ANO2: variants seen among roughly 807,000 people sequenced by gnomAD.
ANO2 encodes the protein anoctamin-2.
A neutral mutation model predicts 124.2 loss-of-function variants in ANO2; 101 were observed. That is an observed-to-expected ratio of 0.81 (90% CI 0.69 to 0.96). ANO2 has a LOEUF of 0.96. Among genes scored for constraint, ANO2 ranks in the 40% least tolerant of loss-of-function variants. ANO2 has a pLI of 0.00. For missense variants in ANO2, 1,293 were observed against 1,274.5 expected, an observed-to-expected ratio of 1.01 and a Z score of -0.22; for synonymous variants, 486 against 482.5, an observed-to-expected ratio of 1.01 and a Z score of -0.09.
chr12:5,879,458 C>G (rs1042745356), intron 3 of ANO2, among the ~76,000 whole-genome samples: 4 of 152,168 alleles, frequency 2.6e-5, no homozygotes, highest in Admixed American at 2.0e-4. Context: ...CTCTCTCTCT[C>G]GATACAAGAC....
At chr12:5,661,097 T>C (rs1947418066) in intron 14 of ANO2, among the ~76,000 whole-genome samples, 2 of 152,206 alleles carry the variant, frequency 1.3e-5, no homozygotes, top group Admixed American at 6.5e-5. Context: ...AGCTATGATC[T>C]GATCTACCCT....
chr12:5,757,485 A>G (rs1025443136), intron 10 of ANO2, among the ~76,000 whole-genome samples: 2 of 152,212 alleles, frequency 1.3e-5, no homozygotes, highest in African/African-American at 4.8e-5. Context: ...TTAATTTCCC[A>G]AAAGCCTGTG....
chr12:5,878,379 C>A (rs898698796), intron 3 of ANO2, among the ~76,000 whole-genome samples: 1 of 152,182 alleles, frequency 6.6e-6, no homozygotes, highest in African/African-American at 2.4e-5. Flanking sequence ...CACTTAAGTG[C>A]TTTTCCATAA....
chr12:5,840,459 C>G (rs113919987), intron 4 of ANO2, among the ~76,000 whole-genome samples: 1 of 151,996 alleles, frequency 6.6e-6, no homozygotes, highest in Admixed American at 6.6e-5. Flanking sequence ...GGGAATGAAG[C>G]TGCATATATT....
intron 9 of ANO2, among the ~76,000 whole-genome samples, chr12:5,800,091 G>A (rs1952993315): frequency 1.3e-5 from 2 of 152,230 alleles, no homozygotes; most frequent in South Asian, 4.1e-4. Flanking sequence ...GTTGTAGACA[G>A]GATGGCCAGG....
chr12:5,824,539 T>C (rs550958540), intron 7 of ANO2, among the ~76,000 whole-genome samples: 1 of 152,318 alleles, frequency 6.6e-6, no homozygotes, highest in South Asian at 2.1e-4. Flanking sequence ...CTGGACCTTA[T>C]TGTCCATATT....
intron 10 of ANO2, among the ~76,000 whole-genome samples, chr12:5,777,940 C>A (rs1277150311): frequency 6.6e-6 from 1 of 152,248 alleles, no homozygotes; most frequent in South Asian, 2.1e-4. Context: ...GACTCCACCT[C>A]TGTCCTCAGA....
At chr12:5,741,639 C>A (rs560690660) in intron 12 of ANO2, among the ~76,000 whole-genome samples, 1 of 152,278 alleles carries the variant, frequency 6.6e-6, no homozygotes, top group South Asian at 2.1e-4. Context: ...GTCGTGAGGG[C>A]AAGGGAGGAC....
chr12:5,945,587 T>A (rs1943070572), upstream of ANO2, among the ~76,000 whole-genome samples: 1 of 152,216 alleles, frequency 6.6e-6, no homozygotes, highest in Non-Finnish European at 1.5e-5. Context: ...TTCAGTCGGA[T>A]TATCTCATGA....
intron 3 of ANO2, among the ~76,000 whole-genome samples, chr12:5,913,144 C>T (rs967394943): frequency 9.9e-5 from 15 of 152,142 alleles, no homozygotes; most frequent in Admixed American, 3.3e-4. Context: ...CTCCAGGGGA[C>T]GCTGTCACCC....
chr12:5,660,275 A>G (rs1224867827), intron 14 of ANO2, among the ~76,000 whole-genome samples: 5 of 151,836 alleles, frequency 3.3e-5, no homozygotes, highest in African/African-American at 1.2e-4. Flanking sequence ...ATCTTAAGCC[A>G]AATGACTATG....
intron 3 of ANO2, among the ~76,000 whole-genome samples, chr12:5,905,536 CTG>C (rs1184149356): frequency 6.6e-6 from 1 of 152,154 alleles, no homozygotes; most frequent in Non-Finnish European, 1.5e-5. Context: ...CCTGGCAACA[CTG>C]AATAGGAAGT....
chr12:5,831,918 G>A lies in ANO2; in HGVS notation c.785+534C>T, dbSNP rs577595233. Among the ~76,000 whole-genome samples, 414 of 151,606 alleles carry A rather than the reference G, an allele frequency of 2.7e-3. 4 individuals are homozygous for A. The highest frequency in any genetic ancestry group is 9.8e-3 in the African/African-American group (400 of 40,972). On this transcript the variant is annotated intron_variant, in intron 5 of 24. Coordinates refer to ENST00000682330, the MANE Select transcript of ANO2 (RefSeq NM_001364791.2). ...CCAGCTGTGGCTCCCCCTTCCAAACGTTTCCAAGTGGCTATCTCTGTGAAG... is the reference window on the plus strand; with the variant it reads ...CCAGCTGTGGCTCCCCCTTCCAAACATTTCCAAGTGGCTATCTCTGTGAAG...
Position 5,563,122 on chromosome 12 carries a change from TCTTC to T in ANO2, c.*173_*176del, listed in dbSNP as rs1381542859. On this transcript the variant is annotated 3_prime_UTR_variant, in exon 25 of 25. Transcript: ENST00000682330. ...AGTTTCTGAGATGTAGCATCATTTC[TCTTC>T]CTTCCTACACTCATTCTGTCAGGCT... The T allele has an allele frequency of 1.1e-6, 1 of 869,980 alleles. No individual in the cohort carries two copies. Among genetic ancestry groups the T allele is most frequent in the Non-Finnish European group, 1.7e-6 (1 of 586,570 alleles). 53.9% of individuals were successfully genotyped at this position (869,980 alleles called of 1,614,324 possible). A position where few individuals can be genotyped will look rare whatever the true frequency, so the allele number is the denominator to read the frequency against.
chr12:5,808,050 T>C (rs763364959), intron 7 of ANO2, among the ~76,000 whole-genome samples: 3 of 152,258 alleles, frequency 2.0e-5, no homozygotes, highest in Non-Finnish European at 4.4e-5. Context: ...GGCATGTGTG[T>C]TTGTGTATTC....
chr12:5,866,442 T>C (rs1955430288), intron 3 of ANO2, among the ~76,000 whole-genome samples: 1 of 152,190 alleles, frequency 6.6e-6, no homozygotes, highest in South Asian at 2.1e-4. Flanking sequence ...CCCTTTGTTG[T>C]TTGAGCTGGT....
In ANO2 at chr12:5,562,806, C is replaced by A. The variant is rs1941511957; in HGVS notation, c.*493G>T. On this transcript the variant is annotated 3_prime_UTR_variant, in exon 25 of 25. Coordinates refer to ENST00000682330, the MANE Select transcript of ANO2 (RefSeq NM_001364791.2). ...TGCACCTTACTATCAGGTCCAGCGG[C>A]TGCACCATTCAGCCTTGTAACTTAA... The A allele has an allele frequency of 6.3e-6, 1 of 159,676 alleles. No homozygotes were observed. The highest frequency in any genetic ancestry group is 1.8e-4 in the East Asian group (1 of 5,522). The allele number at this position is 159,676 out of a possible 1,614,324, so 9.9% of individuals were successfully genotyped here.
Position 5,923,158 on chromosome 12 carries a change from A to C in ANO2, c.23-354T>G, listed in dbSNP as rs1394626672. ...TACACACACATGCACACATACACAC[A>C]CGCATACACACACACGCACACACAC... On this transcript the variant is annotated intron_variant, in intron 1 of 24. Transcript: ENST00000682330. 1.2e-4 allele frequency among the ~76,000 whole-genome samples: 11 copies of C among 88,944 alleles called. 1 individual carries two copies. The highest frequency in any genetic ancestry group is 3.1e-4 in the East Asian group (1 of 3,232). 58.4% of individuals were successfully genotyped at this position (88,944 alleles called of 152,430 possible).
At chr12:5,777,715 A>G (rs192421836) in intron 10 of ANO2, among the ~76,000 whole-genome samples, 13 of 152,186 alleles carry the variant, frequency 8.5e-5, no homozygotes, top group Non-Finnish European at 1.5e-5. Context: ...AATGCATAGT[A>G]TGGTTTTCAG....
Sources: gnomAD v4.1 joint callset for allele counts (sites outside exome capture counted in the v4.1 genomes callset) on GRCh38, gnomAD v4.1.1 for gene constraint, MANE v1.5 for transcripts, NCBI Gene and HGNC (gene_info 2026-07-23, HGNC 2026-07-21) for gene names.